Variants in MCM9 observed in about 807,000 individuals in gnomAD.
MCM9 encodes the protein minichromosome maintenance 9 homologous recombination repair factor.
MCM9 carries 55 observed loss-of-function variants against 72.8 expected under a neutral mutation model. That is an observed-to-expected ratio of 0.76 (90% CI 0.61 to 0.95). The LOEUF (loss-of-function observed/expected upper bound fraction) is 0.95, where lower values mean the gene tolerates loss of function less well. Among genes scored for constraint, MCM9 ranks in the 40% least tolerant of loss-of-function variants. The probability of loss-of-function intolerance (pLI) is 0.00; values close to 1 mark genes in which losing one functional copy is unlikely to be tolerated. For synonymous variants in MCM9, 480 were observed against 503.4 expected (o/e 0.95, Z 0.62); for missense variants, 1,279 against 1,377.0 (o/e 0.93, Z 1.13).
At chr6:118,879,976 G>A (rs1306146705) in intron 8 of MCM9, among the ~76,000 whole-genome samples, 1 of 151,718 alleles carries the variant, frequency 6.6e-6, no homozygotes, top group Non-Finnish European at 1.5e-5. Flanking sequence ...CCTGGGAGGT[G>A]GAGCCGAGCT....
intron 8 of MCM9, among the ~76,000 whole-genome samples, chr6:118,892,288 A>G (rs938559540): frequency 2.6e-5 from 4 of 152,246 alleles, no homozygotes; most frequent in Non-Finnish European, 5.9e-5. Flanking sequence ...ATACTGTTGC[A>G]TATGATGTGT....
chr6:118,922,087 C>A lies in MCM9; in HGVS notation c.622-1G>T. The A allele has an allele frequency of 6.2e-7, 1 of 1,605,192 alleles. No individual in the cohort carries two copies. The highest frequency in any genetic ancestry group is 8.5e-7 in the Non-Finnish European group (1 of 1,176,660). On this transcript the variant is annotated splice_acceptor_variant, in intron 4 of 13. Transcript: ENST00000619706. LOFTEE classifies it high-confidence loss of function. ...TACTTCCAACAGATAGCCTTTGAAC[C>A]TAGCAAAGAAAAGAAAACAGATTCT...
intron 9 of MCM9, among the ~76,000 whole-genome samples, chr6:118,853,922 A>AT (rs1776391888): frequency 6.6e-6 from 1 of 152,044 alleles, no homozygotes; most frequent in Non-Finnish European, 1.5e-5. Flanking sequence ...GTCCTTTTTA[A>AT]TTTTCTTAAT....
At chr6:118,907,672 C>A in intron 8 of MCM9, 1 of 1,376,550 alleles carries the variant, frequency 7.3e-7, no homozygotes, top group South Asian at 1.2e-5. Context: ...AACTATTTCC[C>A]TGAAATTCCG....
chr6:118,843,655 T>TATATACACGTATATATATATATAC (rs1491542240), intron 9 of MCM9, among the ~76,000 whole-genome samples: 2 of 38,616 alleles, frequency 5.2e-5, no homozygotes, highest in East Asian at 1.7e-3. Flanking sequence ...TATATATATA[T>TATATACACGTATATATATATATAC]GTGTATATAT....
chr6:118,923,792 C>A lies in MCM9; in HGVS notation c.621+19G>T. ...AACACTTCTTCAAATTTATTTATCT[C>A]GTTTATGTGATTATTTACCTGTTCC... On this transcript the variant is annotated intron_variant, in intron 4 of 13. Transcript: ENST00000619706. 6.2e-7 allele frequency: 1 copy of A among 1,603,884 alleles called. No individual in the cohort carries two copies. The highest frequency in any genetic ancestry group is 1.1e-5 in the South Asian group (1 of 90,622).
intron 9 of MCM9, among the ~76,000 whole-genome samples, chr6:118,845,940 G>C (rs1198857144): frequency 6.6e-6 from 1 of 151,646 alleles, no homozygotes; most frequent in African/African-American, 2.4e-5. Flanking sequence ...TGATTCTAAA[G>C]GATATGAACA....
chr6:118,903,835 C>A (rs568449573), intron 8 of MCM9, among the ~76,000 whole-genome samples: 1 of 152,152 alleles, frequency 6.6e-6, no homozygotes, highest in African/African-American at 2.4e-5. Flanking sequence ...GATCCACCCA[C>A]CTTAGCCTCC....
intron 5 of MCM9, chr6:118,920,333 G>T (rs1188487734): frequency 2.0e-5 from 3 of 152,154 alleles, no homozygotes; most frequent in Non-Finnish European, 4.4e-5. Context: ...CTGAAACCTA[G>T]AAGAGGTCCC....
intron 3 of MCM9, among the ~76,000 whole-genome samples, chr6:118,924,846 C>G (rs961666376): frequency 1.3e-5 from 2 of 152,158 alleles, no homozygotes; most frequent in African/African-American, 4.8e-5. Flanking sequence ...GAGTTCAAGA[C>G]TAGCCTGGGC....
At chr6:118,827,762 T>G (rs1177081614) in intron 11 of MCM9, among the ~76,000 whole-genome samples, 165 bp downstream of exon 11, 2 of 152,200 alleles carry the variant, frequency 1.3e-5, no homozygotes, top group East Asian at 1.9e-4. Flanking sequence ...TAATCTGTCC[T>G]CAGAGGAGCA....
chr6:118,817,299 C>A (rs556420526), intron 13 of MCM9, among the ~76,000 whole-genome samples: 5 of 152,032 alleles, frequency 3.3e-5, no homozygotes, highest in African/African-American at 1.2e-4. Context: ...GTACCCCACC[C>A]CCCAAAAGGC....
At chr6:118,863,811 A>C (rs999751106) in intron 8 of MCM9, among the ~76,000 whole-genome samples, 4 of 152,146 alleles carry the variant, frequency 2.6e-5, no homozygotes, top group African/African-American at 9.7e-5. Flanking sequence ...CAAATGTGCC[A>C]CCTCTACATT....
At chr6:118,930,492 T>C (rs1782330338) in intron 3 of MCM9, among the ~76,000 whole-genome samples, 1 of 152,252 alleles carries the variant, frequency 6.6e-6, no homozygotes, top group South Asian at 2.1e-4. Flanking sequence ...CTGGACCTGC[T>C]TTTAATTTTA....
intron 9 of MCM9, among the ~76,000 whole-genome samples, chr6:118,840,169 AT>A (rs36155062): frequency 5.1e-4 from 75 of 145,830 alleles, no homozygotes; most frequent in African/African-American, 1.5e-3. Context: ...TTTTTATGTT[AT>A]TTTTTTTTTT....
At chr6:118,850,176 T>C (rs2114658965) in intron 9 of MCM9, among the ~76,000 whole-genome samples, 1 of 152,042 alleles carries the variant, frequency 6.6e-6, no homozygotes, top group African/African-American at 2.4e-5. Context: ...TTCAAACTAC[T>C]TTTGAACATG....
intron 8 of MCM9, among the ~76,000 whole-genome samples, chr6:118,873,269 GAAGAA>G (rs1326522811): frequency 6.6e-6 from 1 of 150,472 alleles, no homozygotes; most frequent in Non-Finnish European, 1.5e-5. Context: ...GGGAAAAGAG[GAAGAA>G]AAGAAAAGAA....
At chr6:118,885,120 C>T (rs1255671043) in intron 8 of MCM9, among the ~76,000 whole-genome samples, 2 of 152,054 alleles carry the variant, frequency 1.3e-5, no homozygotes, top group Non-Finnish European at 2.9e-5. Flanking sequence ...GGGGTGAACC[C>T]GGGAGGCGGA....
At chr6:118,856,894 A>C (rs954672328) in intron 8 of MCM9, among the ~76,000 whole-genome samples, 7 of 152,162 alleles carry the variant, frequency 4.6e-5, no homozygotes, top group African/African-American at 1.7e-4. Flanking sequence ...AAAACAAAAA[A>C]GGCATATCTT....
Sources: allele counts gnomAD v4.1 joint callset (sites outside exome capture counted in the v4.1 genomes callset), GRCh38; gene constraint gnomAD v4.1.1; transcripts MANE v1.5; gene names NCBI Gene and HGNC (gene_info 2026-07-23, HGNC 2026-07-21).